TOP2A: variants seen among roughly 807,000 people sequenced by gnomAD.
TOP2A encodes the protein DNA topoisomerase II alpha, also known as DNA topoisomerase 2-alpha.
Under a neutral mutation model 187.2 loss-of-function variants are expected in TOP2A, and 68 were observed. The ratio of observed to expected loss-of-function variants is 0.36; its 90% CI spans 0.30 to 0.44. TOP2A has a LOEUF of 0.44. Among genes scored for constraint, TOP2A ranks in the 20% least tolerant of loss-of-function variants. The pLI is 1.00. For synonymous variants in TOP2A, 542 were observed against 593.2 expected (o/e 0.91, Z 1.25); for missense variants, 1,196 against 1,808.7 (o/e 0.66, Z 6.14).
intron 22 of TOP2A, 42 bp from the exon 23 acceptor site, chr17:40,400,451 T>A: frequency 3.1e-6 from 5 of 1,605,600 alleles, no homozygotes; most frequent in Non-Finnish European, 4.3e-6. Context: ...AATATAGGCT[T>A]CTGAATAGTC....
chr17:40,407,207 T>C (rs897614296), intron 13 of TOP2A, among the ~76,000 whole-genome samples: 1 of 152,162 alleles, frequency 6.6e-6, no homozygotes, highest in Admixed American at 6.6e-5. Context: ...GAGGTTGCAG[T>C]GAGCCAAGAT....
At chr17:40,408,158 A>T (rs930686594) in intron 11 of TOP2A, 34 bp from the exon 12 acceptor site, 1 of 1,486,944 alleles carries the variant, frequency 6.7e-7, no homozygotes, top group Non-Finnish European at 9.1e-7. Flanking sequence ...ATATTAGCAC[A>T]TTTAGTTCAA....
chr17:40,411,547 A>G lies in TOP2A; in HGVS notation c.964-92T>C, dbSNP rs2035322260. On this transcript the variant is annotated intron_variant, in intron 8 of 34. Coordinates refer to ENST00000423485, the MANE Select transcript of TOP2A (RefSeq NM_001067.4). This position sits in a 1 kb window ranked among gnomAD's most constrained non-coding sequence, Gnocchi z 4.4. Reference sequence around the variant, plus strand: ...AACTAATTTAACCTCCTTTATACTAAGCTAGCCCAATATTCAAGTCCACTT... The same window carrying G: ...AACTAATTTAACCTCCTTTATACTAGGCTAGCCCAATATTCAAGTCCACTT... 1 of 1,545,210 alleles carries G rather than the reference A, an allele frequency of 6.5e-7. No individual in the cohort carries two copies.
chr17:40,417,802 G>A lies in TOP2A; in HGVS notation c.-11C>T, dbSNP rs371182859. 5.1e-4 allele frequency: 820 copies of A among 1,613,502 alleles called. 1 individual carries two copies. Among genetic ancestry groups the A allele is most frequent in the Middle Eastern group, 4.1e-3 (25 of 6,062 alleles). On this transcript the variant is annotated 5_prime_UTR_variant, in exon 1 of 35. It adds an upstream start codon to the 5' untranslated region. Coordinates refer to ENST00000423485, the MANE Select transcript of TOP2A (RefSeq NM_001067.4). ...TGGTGACACTTCCATGGTGACGGTC[G>A]TGAAGGGGCTCAAGAACCCTGAAAG...
At chr17:40,404,350 A>G (rs765650277) in intron 18 of TOP2A, 27 bp downstream of exon 18, 12 of 1,605,284 alleles carry the variant, frequency 7.5e-6, no homozygotes, top group African/African-American at 1.3e-5. Flanking sequence ...TCTTACAATG[A>G]AAACAGACTA....
At chr17:40,399,344 A>G (rs754649061) in intron 24 of TOP2A, 57 of 499,086 alleles carry the variant, frequency 1.1e-4, no homozygotes, top group Non-Finnish European at 1.8e-4. Flanking sequence ...TGATCAAATC[A>G]TTTTTTTTTG....
Position 40,408,600 on chromosome 17 carries a change from G to C in TOP2A, c.1234C>G (p.Leu412Val). Residue 412 changes from leucine to valine, a missense_variant, in exon 11 of 35, where the codon CTA becomes GTA. By Grantham distance (32) the Leu-to-Val change is conservative. This residue lies in a region of TOP2A where 252 missense variants were observed against 434.8 expected (regional missense o/e 0.58). Transcript: ENST00000423485. ...TGGGCCTTAAACTTCACCCAGTTTA[G>C]TATGCTTTCTACAATACCACAGCCA... is the stretch of plus-strand genomic sequence containing the variant. ...AIGCGIVESI[L>V]NWVKFKAQVQ... The C allele has an allele frequency of 6.2e-7, 1 of 1,613,766 alleles. No individual in the cohort carries two copies. Among genetic ancestry groups the C allele is most frequent in the Non-Finnish European group, 8.5e-7 (1 of 1,179,802 alleles).
At position 40,392,088 on chromosome 17, in the gene TOP2A, G is replaced by A. The variant is rs2143621781; in HGVS notation, c.4112C>T (p.Pro1371Leu). The A allele has an allele frequency of 6.2e-7, 1 of 1,611,948 alleles. No homozygotes were observed. The highest frequency in any genetic ancestry group is 8.5e-7 in the Non-Finnish European group (1 of 1,179,274). ...CATACCTGACACGACACTTTTCTGTGGTTTCAGTTCTTTGTTACTAAGTCT... is the reference window on the plus strand; with the variant it reads ...CATACCTGACACGACACTTTTCTGTAGTTTCAGTTCTTTGTTACTAAGTCT... ...SPKLSNKELK[P>L]QKSVVSDLEA... Residue 1371 changes from proline (P) to leucine (L), a missense_variant, in exon 32 of 35, where the codon CCA becomes CTA. By Grantham distance (98) the Pro-to-Leu change is moderately conservative. Around this residue, in one of 10 missense-constraint regions of TOP2A, gnomAD observed 374 missense variants for 403.3 expected, o/e 0.93. Coordinates refer to ENST00000423485, the MANE Select transcript of TOP2A (RefSeq NM_001067.4).
intron 10 of TOP2A, 22 bp from the exon 11 acceptor site, chr17:40,408,652 T>G: frequency 1.2e-6 from 2 of 1,611,832 alleles, no homozygotes; most frequent in Non-Finnish European, 1.7e-6. Context: ...AAGATTCATA[T>G]TAGGGATCAT....
intron 20 of TOP2A, among the ~76,000 whole-genome samples, chr17:40,401,894 G>C (rs772757260): frequency 2.2e-4 from 34 of 152,144 alleles, no homozygotes; most frequent in Non-Finnish European, 4.6e-4. Context: ...GGAATCAAAA[G>C]ACATGGAAGG....
chr17:40,412,855 C>T lies in TOP2A; in HGVS notation c.693G>A (p.Leu231=). Residue 231 remains leucine, a synonymous_variant, in exon 7 of 35, where the codon CTG becomes CTA. Transcript: ENST00000423485. ...PDLSKFKMQS[L]DKDIVALMVR... is the part of the protein sequence containing the mutation. The stretch of plus-strand genomic sequence containing the variant: ...CCATTAGTGCAACAATATCTTTGTC[C>T]AGGCTTTGCATTTTAAACTTAGACA... 1 of 1,613,874 alleles carries T rather than the reference C, an allele frequency of 6.2e-7. No individual in the cohort carries two copies. Among genetic ancestry groups the T allele is most frequent in the Non-Finnish European group, 8.5e-7 (1 of 1,179,844 alleles).
At position 40,411,549 on chromosome 17, in the gene TOP2A, C is replaced by T. The variant is rs762919032; in HGVS notation, c.964-94G>A. 6.5e-7 allele frequency: 1 copy of T among 1,544,650 alleles called. No homozygotes were observed. Among genetic ancestry groups the T allele is most frequent in the South Asian group, 1.1e-5 (1 of 89,080 alleles). On this transcript the variant is annotated intron_variant, in intron 8 of 34. Transcript: ENST00000423485. The surrounding 1 kb of genome is among the most constrained non-coding windows in gnomAD (Gnocchi z 4.4). ...CTAATTTAACCTCCTTTATACTAAG[C>T]TAGCCCAATATTCAAGTCCACTTTA...
chr17:40,406,778 G>A, intron 14 of TOP2A, 54 bp downstream of exon 14: 1 of 1,576,492 alleles, frequency 6.3e-7, no homozygotes, highest in Non-Finnish European at 8.7e-7. Flanking sequence ...GTATATCCAG[G>A]TTTGAGGAGT....
chr17:40,398,953 A>G lies in TOP2A; in HGVS notation c.3289-16T>C, dbSNP rs2035139266. The stretch of plus-strand genomic sequence containing the variant: ...CATCTGGAACCTAAAGGATTAATTA[A>G]AATCTAGCTTTATTAGAAAATGTGA... On this transcript the variant is annotated splice_polypyrimidine_tract_variant and intron_variant, in intron 25 of 34. Coordinates refer to ENST00000423485, the MANE Select transcript of TOP2A (RefSeq NM_001067.4). 2 of 1,603,860 alleles carry G rather than the reference A, an allele frequency of 1.2e-6. No individual in the cohort carries two copies. The highest frequency in any genetic ancestry group is 2.7e-5 in the African/African-American group (2 of 74,278).
intron 1 of TOP2A, 72 bp downstream of exon 1, chr17:40,417,699 C>G: frequency 1.2e-6 from 2 of 1,605,420 alleles, no homozygotes; most frequent in Non-Finnish European, 1.7e-6. Context: ...AGAGCTTCAC[C>G]CGTCACGGGC....
rs768008425 is a variant in TOP2A at position 40,398,657 on chromosome 17, A to G, written c.3454-16T>C. 216 of 1,601,772 alleles carry G rather than the reference A, an allele frequency of 1.3e-4. No individual in the cohort carries two copies. Among genetic ancestry groups the G allele is most frequent in the Admixed American group, 1.0e-3 (59 of 57,208 alleles). On this transcript the variant is annotated splice_polypyrimidine_tract_variant and intron_variant, in intron 26 of 34. Transcript: ENST00000423485. ...GCTCTTGTTCCTTCATAAGATAATT[A>G]CAAAATTGAGTTAATATATGTATAC...
chr17:40,390,482 G>A (rs767571450), intron 33 of TOP2A, among the ~76,000 whole-genome samples: 3 of 147,550 alleles, frequency 2.0e-5, no homozygotes, highest in Middle Eastern at 3.7e-3. Flanking sequence ...GAGCAACCGC[G>A]CCTGACCTAG....
intron 26 of TOP2A, 39 bp downstream of exon 26, chr17:40,398,734 C>A: frequency 2.5e-6 from 4 of 1,604,598 alleles, no homozygotes; most frequent in Non-Finnish European, 2.5e-6. Flanking sequence ...TAGAATAGAA[C>A]AAAACTAAGC....
intron 27 of TOP2A, among the ~76,000 whole-genome samples, chr17:40,398,082 A>ATTCTAAG (rs2035124747): frequency 7.5e-6 from 1 of 133,524 alleles, no homozygotes; most frequent in Non-Finnish European, 1.6e-5. Flanking sequence ...CCGGCCTTGT[A>ATTCTAAG]TTCTAAGTAG....
Sources: gnomAD v4.1 joint callset for allele counts (sites outside exome capture counted in the v4.1 genomes callset) on GRCh38, gnomAD v4.1.1 for gene constraint, gnomAD v4.1.1 regional missense constraint, Gnocchi (gnomAD v3.1) non-coding constraint, MANE v1.5 for transcripts, NCBI Gene and HGNC (gene_info 2026-07-23, HGNC 2026-07-21) for gene names.